The following ANGPT2 variants were observed in gnomAD, a reference collection of about 807,000 sequenced individuals.
The protein encoded by ANGPT2 is angiopoietin-2.
ANGPT2 carries 28 observed loss-of-function variants against 62.9 expected under a neutral mutation model. The ratio of observed to expected loss-of-function variants is 0.44; its 90% CI spans 0.33 to 0.61. ANGPT2 has a LOEUF of 0.61. Ranked by LOEUF, ANGPT2 falls within the 20% of genes least tolerant of loss-of-function variation. The pLI is 0.03. For synonymous variants in ANGPT2, 284 were observed against 207.8 expected (o/e 1.37, Z -3.15); for missense variants, 727 against 594.9 (o/e 1.22, Z -2.31).
chr8:6,514,524 G>T (rs1815850576), intron 6 of ANGPT2, among the ~76,000 whole-genome samples, 153 bp downstream of exon 6: 1 of 152,096 alleles, frequency 6.6e-6, no homozygotes, highest in South Asian at 2.1e-4. Flanking sequence ...CCTTATATTG[G>T]CCATTCTTTA....
At chr8:6,544,213 A>G (rs868367972) in intron 1 of ANGPT2, among the ~76,000 whole-genome samples, 1 of 152,254 alleles carries the variant, frequency 6.6e-6, no homozygotes, top group African/African-American at 2.4e-5. Flanking sequence ...TCAAATGTTG[A>G]TAGTGAAGCT....
intron 1 of ANGPT2, among the ~76,000 whole-genome samples, chr8:6,550,785 A>G (rs1006481672): frequency 2.0e-5 from 3 of 152,182 alleles, no homozygotes; most frequent in Admixed American, 6.5e-5. Flanking sequence ...TTTCTTACCC[A>G]TATAGGACAA....
intron 1 of ANGPT2, among the ~76,000 whole-genome samples, chr8:6,541,235 G>A (rs1821504014): frequency 6.6e-6 from 1 of 152,200 alleles, no homozygotes; most frequent in Admixed American, 6.5e-5. Context: ...AGCAGGGGAT[G>A]CTTTGAGGCC....
At chr8:6,518,054 T>G (rs1361891592) in intron 5 of ANGPT2, among the ~76,000 whole-genome samples, 1 of 152,200 alleles carries the variant, frequency 6.6e-6, no homozygotes, top group Non-Finnish European at 1.5e-5. Context: ...ATTTTCATCT[T>G]TCTGCAGAAT....
intron 5 of ANGPT2, 37 bp from the exon 6 acceptor site, chr8:6,514,815 C>T (rs1351418142): frequency 1.3e-6 from 2 of 1,552,110 alleles, no homozygotes; most frequent in East Asian, 4.5e-5. Flanking sequence ...TGACAGAGCC[C>T]CCCCACTCCC....
intron 2 of ANGPT2, among the ~76,000 whole-genome samples, chr8:6,531,313 A>G (rs1327015438): frequency 7.2e-6 from 1 of 139,800 alleles, no homozygotes; most frequent in African/African-American, 2.7e-5. Flanking sequence ...TTTTGAGTTG[A>G]AGTCTCACTC....
intron 6 of ANGPT2, 24 bp from the exon 7 acceptor site, chr8:6,513,868 A>C (rs1196578680): frequency 3.2e-6 from 5 of 1,581,730 alleles, no homozygotes; most frequent in Non-Finnish European, 3.4e-6. Flanking sequence ...TGTTAAATTC[A>C]ATTATTTCAT....
intron 3 of ANGPT2, 100 bp from the exon 4 acceptor site, chr8:6,521,510 G>T: frequency 1.1e-6 from 1 of 878,702 alleles, no homozygotes; most frequent in Admixed American, 2.9e-5. Flanking sequence ...TTAAGATATT[G>T]TAGTGGTTAT....
intron 3 of ANGPT2, among the ~76,000 whole-genome samples, chr8:6,526,296 G>T (rs1040224451): frequency 2.1e-5 from 3 of 145,790 alleles, no homozygotes; most frequent in Admixed American, 6.9e-5. Context: ...TCAGCTGGGT[G>T]TGTGACACAT....
chr8:6,515,543 A>T (rs1816095000), intron 5 of ANGPT2, among the ~76,000 whole-genome samples: 1 of 152,206 alleles, frequency 6.6e-6, no homozygotes, highest in Admixed American at 6.5e-5. Flanking sequence ...TGTCCAGAAC[A>T]CAGAATTCTT....
chr8:6,505,332 TA>T (rs1813243942), intron 8 of ANGPT2, among the ~76,000 whole-genome samples: 2 of 56,962 alleles, frequency 3.5e-5, no homozygotes, highest in African/African-American at 2.2e-4. Flanking sequence ...TATATACATA[TA>T]GAAAGAATAT....
intron 1 of ANGPT2, among the ~76,000 whole-genome samples, chr8:6,554,638 A>C (rs1009644786): frequency 1.3e-5 from 2 of 152,210 alleles, no homozygotes; most frequent in Non-Finnish European, 2.9e-5. Context: ...TTGTGGTGGT[A>C]AGTTGTCAGG....
chr8:6,500,092 A>G lies in ANGPT2; in HGVS notation c.*3009T>C. On this transcript the variant is annotated 3_prime_UTR_variant, in exon 9 of 9. Transcript: ENST00000629816. ...AACACCTTTTATCAATTTATTCGCGAGAACAAATGTGAGAACGTGAGACCA... is the reference window on the plus strand; with the variant it reads ...AACACCTTTTATCAATTTATTCGCGGGAACAAATGTGAGAACGTGAGACCA... 1 of 666,318 alleles carries G rather than the reference A, an allele frequency of 1.5e-6. No individual in the cohort carries two copies. 41.3% of individuals were successfully genotyped at this position (666,318 alleles called of 1,614,324 possible).
intron 1 of ANGPT2, among the ~76,000 whole-genome samples, chr8:6,539,679 C>G (rs1353545464): frequency 6.6e-6 from 1 of 152,162 alleles, no homozygotes; most frequent in South Asian, 2.1e-4. Flanking sequence ...CTCTGCCTCC[C>G]TGGTTCAAAC....
chr8:6,519,912 C>A lies in ANGPT2; in HGVS notation c.879G>T (p.Thr293=). ...GGAATGTTAACGTGTAGATGCCATT[C>A]GTGGTGTGTCCTGATTTGAATACTT... ...CAEVFKSGHT[T]NGIYTLTFPN... Residue 293 remains threonine, a synonymous_variant, in exon 5 of 9, where the codon ACG becomes ACT. Transcript: ENST00000629816. The A allele has an allele frequency of 1.2e-6, 2 of 1,612,988 alleles. No homozygotes were observed. Among genetic ancestry groups the A allele is most frequent in the Non-Finnish European group, 1.7e-6 (2 of 1,179,620 alleles).
chr8:6,523,287 A>G (rs972620207), intron 3 of ANGPT2, among the ~76,000 whole-genome samples: 10 of 151,850 alleles, frequency 6.6e-5, no homozygotes, highest in African/African-American at 1.2e-4. Flanking sequence ...ATGAGCCACC[A>G]CGCCTGGCAG....
intron 4 of ANGPT2, among the ~76,000 whole-genome samples, 171 bp downstream of exon 4, chr8:6,521,007 G>A (rs1054565985): frequency 6.6e-6 from 1 of 152,030 alleles, no homozygotes; most frequent in South Asian, 2.1e-4. Flanking sequence ...ATAATAATTA[G>A]TATAACATAT....
chr8:6,536,608 A>T (rs1426580309), intron 1 of ANGPT2, among the ~76,000 whole-genome samples: 1 of 152,174 alleles, frequency 6.6e-6, no homozygotes, highest in Non-Finnish European at 1.5e-5. Context: ...TTTCTTCCAA[A>T]GATTAGTAGT....
intron 6 of ANGPT2, 54 bp downstream of exon 6, chr8:6,514,623 A>G (rs752985977): frequency 1.1e-5 from 16 of 1,495,652 alleles, no homozygotes; most frequent in Non-Finnish European, 1.3e-5. Flanking sequence ...CAGATCTTGA[A>G]AGCTATTTTT....
Sources: gnomAD v4.1 joint callset for allele counts (sites outside exome capture counted in the v4.1 genomes callset) on GRCh38, gnomAD v4.1.1 for gene constraint, MANE v1.5 for transcripts, NCBI Gene and HGNC (gene_info 2026-07-23, HGNC 2026-07-21) for gene names.